BCKDHB: variants seen among roughly 807,000 people sequenced by gnomAD.
BCKDHB encodes branched chain keto acid dehydrogenase E1 subunit beta.
In BCKDHB, 41 loss-of-function variants were observed where a neutral mutation model predicts 48.5. The ratio of observed to expected loss-of-function variants is 0.85; its 90% CI spans 0.66 to 1.10. BCKDHB has a LOEUF of 1.10. Ranked by LOEUF, BCKDHB falls within the 50% of genes least tolerant of loss-of-function variation. The pLI is 0.00. For synonymous variants in BCKDHB, 201 were observed against 174.8 expected, an observed-to-expected ratio of 1.15 and a Z score of -1.18; for missense variants, 496 against 494.2, an observed-to-expected ratio of 1.00 and a Z score of -0.03.
chr6:80,447,204 TC>T, the BCKDHB span, among the ~76,000 whole-genome samples: 1 of 152,180 alleles, frequency 6.6e-6, no homozygotes, highest in African/African-American at 2.4e-5. Context: ...GCCACCATTT[TC>T]TTATCTGCCA....
chr6:80,396,047 G>C, the BCKDHB span, among the ~76,000 whole-genome samples: 2 of 152,168 alleles, frequency 1.3e-5, no homozygotes. Flanking sequence ...GAAGTTTGCT[G>C]TAGAGGCAGA....
At chr6:80,410,081 G>A in the BCKDHB span, among the ~76,000 whole-genome samples, 1 of 152,028 alleles carries the variant, frequency 6.6e-6, no homozygotes, top group African/African-American at 2.4e-5. Flanking sequence ...GCAGTTGCTG[G>A]TACTGGTTTT....
At chr6:80,454,066 C>A in the BCKDHB span, 1 of 152,124 alleles carries the variant, frequency 6.6e-6, no homozygotes, top group African/African-American at 2.4e-5. Context: ...AAGGAATATG[C>A]TCATACACTC....
In BCKDHB at chr6:80,161,168, C is replaced by T. The variant is rs138605589; in HGVS notation, c.344-6510C>T. Among the ~76,000 whole-genome samples, 270 of 152,120 alleles carry T rather than the reference C, an allele frequency of 1.8e-3. 1 individual carries two copies. The highest frequency in any genetic ancestry group is 6.1e-3 in the African/African-American group (254 of 41,494). ...CCTTCTTGCAACTTCTTTGAGCCTC[C>T]GAAACTTACTGTGTCATTATAGACC... is the stretch of plus-strand genomic sequence containing the variant. On this transcript the variant is annotated intron_variant, in intron 3 of 9. Transcript: ENST00000320393.
intron 8 of BCKDHB, among the ~76,000 whole-genome samples, chr6:80,231,612 A>G (rs957361365): frequency 2.6e-5 from 4 of 152,212 alleles, no homozygotes; most frequent in African/African-American, 9.7e-5. Flanking sequence ...TGGGATAGTA[A>G]TAGTACCCAC....
At chr6:80,353,223 GA>G in the BCKDHB span, among the ~76,000 whole-genome samples, 2 of 152,058 alleles carry the variant, frequency 1.3e-5, no homozygotes, top group Non-Finnish European at 2.9e-5. Context: ...CTATGTTCCT[GA>G]AAAAAATCTG....
At chr6:80,187,660 G>A (rs984272980) in intron 6 of BCKDHB, among the ~76,000 whole-genome samples, 4 of 152,042 alleles carry the variant, frequency 2.6e-5, no homozygotes, top group African/African-American at 9.7e-5. Flanking sequence ...AAAAAAGTGG[G>A]CAAAGGACAT....
At chr6:80,110,656 T>C (rs1769364259) in intron 1 of BCKDHB, among the ~76,000 whole-genome samples, 1 of 152,162 alleles carries the variant, frequency 6.6e-6, no homozygotes, top group Non-Finnish European at 1.5e-5. Context: ...ATCTTCTAGG[T>C]CTAGGACTGA....
the BCKDHB span, among the ~76,000 whole-genome samples, chr6:80,415,687 G>C: frequency 4.2e-4 from 64 of 152,202 alleles, no homozygotes; most frequent in African/African-American, 1.5e-3. Context: ...ATTTGATTGA[G>C]GATTTTTGCA....
At chr6:80,187,119 A>G (rs1423612906) in intron 6 of BCKDHB, among the ~76,000 whole-genome samples, 1 of 152,184 alleles carries the variant, frequency 6.6e-6, no homozygotes, top group Non-Finnish European at 1.5e-5. Context: ...TGGGAGCTAC[A>G]TGTTAGTCCT....
chr6:80,318,301 T>C (rs1193527694), intron 9 of BCKDHB, among the ~76,000 whole-genome samples: 1 of 152,064 alleles, frequency 6.6e-6, no homozygotes, highest in Admixed American at 6.5e-5. Context: ...AATACAAGCA[T>C]TGCTGTATGT....
the BCKDHB span, among the ~76,000 whole-genome samples, chr6:80,400,386 C>T: frequency 1.3e-5 from 2 of 151,892 alleles, no homozygotes; most frequent in Non-Finnish European, 2.9e-5. Flanking sequence ...ACCGAAAAAA[C>T]CACCCCATTA....
intron 1 of BCKDHB, among the ~76,000 whole-genome samples, chr6:80,120,053 G>A (rs546625118): frequency 2.0e-5 from 3 of 151,990 alleles, no homozygotes; most frequent in South Asian, 2.1e-4. Context: ...GATGTTCCCC[G>A]CCCTGTGTCC....
At chr6:80,203,349 A>T (rs574868254) in intron 8 of BCKDHB, 137 bp downstream of exon 8, 1 of 695,008 alleles carries the variant, frequency 1.4e-6, no homozygotes, top group Non-Finnish European at 2.6e-6. Flanking sequence ...AATTTGCAGC[A>T]TGAAAGAAAG....
At chr6:80,106,960 G>A (rs1028871532) in intron 1 of BCKDHB, 71 bp downstream of exon 1, 3 of 1,524,330 alleles carry the variant, frequency 2.0e-6, no homozygotes, top group Non-Finnish European at 2.7e-6. Context: ...CCCGCGAGGG[G>A]CAGGGGCCGG....
At chr6:80,421,928 C>A in the BCKDHB span, among the ~76,000 whole-genome samples, 135 of 152,284 alleles carry the variant, frequency 8.9e-4, 1 homozygote, top group African/African-American at 3.1e-3. Flanking sequence ...AAGAAAAACC[C>A]ATTTTCTTGG....
intron 1 of BCKDHB, among the ~76,000 whole-genome samples, chr6:80,120,963 C>G (rs780327922): frequency 6.6e-6 from 1 of 152,072 alleles, no homozygotes; most frequent in Non-Finnish European, 1.5e-5. Flanking sequence ...ATGGTATTGC[C>G]TAGGTTTTCT....
intron 9 of BCKDHB, among the ~76,000 whole-genome samples, chr6:80,322,946 A>G (rs1768822181): frequency 6.8e-6 from 1 of 146,026 alleles, no homozygotes; most frequent in Admixed American, 7.0e-5. Context: ...GGGTTTAAAA[A>G]TTTTTTAACT....
At chr6:80,187,688 AAG>A (rs1427877078) in intron 6 of BCKDHB, among the ~76,000 whole-genome samples, 2 of 152,176 alleles carry the variant, frequency 1.3e-5, no homozygotes, top group Non-Finnish European at 2.9e-5. Context: ...CACTTTTCAG[AAG>A]AAAGACAATC....
Sources: gnomAD v4.1 joint callset for allele counts (sites outside exome capture counted in the v4.1 genomes callset) on GRCh38, gnomAD v4.1.1 for gene constraint, MANE v1.5 for transcripts, NCBI Gene and HGNC (gene_info 2026-07-23, HGNC 2026-07-21) for gene names.